The following MYORG variants were observed in gnomAD, a reference collection of about 807,000 sequenced individuals.
MYORG encodes alpha-galactosidase MYORG.
A neutral mutation model predicts 49.8 loss-of-function variants in MYORG; 45 were observed. That is an observed-to-expected ratio of 0.90 (90% CI 0.71 to 1.16). The LOEUF (loss-of-function observed/expected upper bound fraction) is 1.16, where lower values mean the gene tolerates loss of function less well. MYORG is among the 50% of genes most tolerant of loss of function. The pLI, the probability that MYORG is intolerant of heterozygous loss-of-function variation, is 0.00. For synonymous variants in MYORG, 552 were observed against 462.9 expected (o/e 1.19, Z -2.47); for missense variants, 1,110 against 1,026.5 (o/e 1.08, Z -1.11).
Position 34,372,565 on chromosome 9 carries a change from G to C in MYORG, c.379C>G (p.Arg127Gly). Residue 127 changes from arginine to glycine, a missense_variant, in exon 2 of 2, where the codon CGC becomes GGC. Physicochemically the swap from Arg to Gly is moderately radical, Grantham distance 125. Coordinates refer to ENST00000297625, the MANE Select transcript of MYORG (RefSeq NM_020702.5). ...GAGCAGCCCAGCAGGGCGCCATCGC[G>C]GCTGCAGGAGTCAAGGTCCAGCGCG... ...SGALDLDSCS[R>G]DGALLGCSLT... is the part of the protein sequence containing the mutation. 6.2e-7 allele frequency: 1 copy of C among 1,601,894 alleles called. No homozygotes were observed. The highest frequency in any genetic ancestry group is 8.5e-7 in the Non-Finnish European group (1 of 1,174,828).
rs1820557576 is a variant in MYORG at position 34,369,728 on chromosome 9, G to A, written c.*1071C>T. On this transcript the variant is annotated 3_prime_UTR_variant, in exon 2 of 2. Transcript: ENST00000297625. ...CCTGTCTGTTTATTGGTAGTTGTCA[G>A]TGTGTGCATGTAGCCTGTGTTCAGA... 1 of 152,628 alleles carries A rather than the reference G, an allele frequency of 6.6e-6. No homozygotes were observed. Among genetic ancestry groups the A allele is most frequent in the South Asian group, 2.0e-4 (1 of 4,890 alleles). 9.5% of individuals were successfully genotyped at this position (152,628 alleles called of 1,614,324 possible). A position where few individuals can be genotyped will look rare whatever the true frequency, so the allele number is the denominator to read the frequency against.
At position 34,366,705 on chromosome 9, in the gene MYORG, G is replaced by A. The variant is rs887373979; in HGVS notation, c.*4094C>T. 6.6e-6 allele frequency: 1 copy of A among 152,200 alleles called. No individual in the cohort carries two copies. Among genetic ancestry groups the A allele is most frequent in the Non-Finnish European group, 1.5e-5 (1 of 68,038 alleles). 9.4% of individuals were successfully genotyped at this position (152,200 alleles called of 1,614,324 possible). On this transcript the variant is annotated 3_prime_UTR_variant, in exon 2 of 2. Transcript: ENST00000297625. The stretch of plus-strand genomic sequence containing the variant: ...CTACCATTTATTGAGCACCTACTTT[G>A]TGCCAGGCACTTTACATACATTTGT...
In MYORG at chr9:34,368,307, C is replaced by T. The variant is rs1563980157; in HGVS notation, c.*2492G>A. ...ATTTTCCCCATGTCTTAGTGATTAA[C>T]ATTTGGCTCCTTGTTACTTATGCAA... On this transcript the variant is annotated 3_prime_UTR_variant, in exon 2 of 2. Transcript: ENST00000297625. The T allele has an allele frequency of 6.6e-6, 1 of 152,376 alleles. No homozygotes were observed. Among genetic ancestry groups the T allele is most frequent in the East Asian group, 1.9e-4 (1 of 5,188 alleles). 9.4% of individuals were successfully genotyped at this position (152,376 alleles called of 1,614,324 possible).
rs1820605030 is a variant in MYORG, at chr9:34,371,728, C to T, written c.1216G>A (p.Val406Met). 3 of 1,612,086 alleles carry T rather than the reference C, an allele frequency of 1.9e-6. No individual in the cohort carries two copies. Among genetic ancestry groups the T allele is most frequent in the African/African-American group, 1.3e-5 (1 of 74,924 alleles). Residue 406 changes from valine to methionine, a missense_variant, in exon 2 of 2, where the codon GTG becomes ATG. By Grantham distance (21) the Val-to-Met change is conservative. Coordinates refer to ENST00000297625, the MANE Select transcript of MYORG (RefSeq NM_020702.5). ...NYNSSRFGEGVERELFVREPT... is the reference protein window; with the variant it reads ...NYNSSRFGEGMERELFVREPT... ...TCGCGCACGAACAGCTCGCGCTCCA[C>T]GCCCTCGCCGAAGCGCGACGAGTTG...
At position 34,371,466 on chromosome 9, in the gene MYORG, A is replaced by G. The variant is rs759053987; in HGVS notation, c.1478T>C (p.Met493Thr). Reference protein sequence around the residue: ...PSVWSRRYTEMALPFFSLAEV... With the variant: ...PSVWSRRYTETALPFFSLAEV... ...CGCCAGCGAGAAGAAGGGCAGCGCC[A>G]TCTCAGTGTAGCGCCGGCTCCAGAC... is the stretch of plus-strand genomic sequence containing the variant. The change falls in exon 2 of 2, where the codon ATG becomes ACG. Residue 493 changes from methionine to threonine, a missense_variant. Met to Thr is a moderately conservative substitution (Grantham distance 81). Coordinates refer to ENST00000297625, the MANE Select transcript of MYORG (RefSeq NM_020702.5). 6.2e-7 allele frequency: 1 copy of G among 1,612,700 alleles called. No homozygotes were observed. Among genetic ancestry groups the G allele is most frequent in the South Asian group, 1.1e-5 (1 of 91,086 alleles).
chr9:34,372,091 C>T lies in MYORG; in HGVS notation c.853G>A (p.Val285Met). The T allele has an allele frequency of 1.2e-6, 2 of 1,613,438 alleles. No homozygotes were observed. Among genetic ancestry groups the T allele is most frequent in the Non-Finnish European group, 1.7e-6 (2 of 1,179,844 alleles). ...TGGATGGAGGTGACGTCTGAGCCCA[C>T]GCACACTCGGTAGCTCAGCTCTGGC... is the stretch of plus-strand genomic sequence containing the variant. The part of the protein sequence containing the change: ...AAPELSYRVC[V>M]GSDVTSIHKY... Residue 285 changes from valine (V) to methionine (M), a missense_variant, in exon 2 of 2, where the codon GTG becomes ATG. Transcript: ENST00000297625.
At position 34,372,977 on chromosome 9, in the gene MYORG, G is replaced by A. The variant is rs761863582; in HGVS notation, c.-34C>T. 12 of 1,599,302 alleles carry A rather than the reference G, an allele frequency of 7.5e-6. No individual in the cohort carries two copies. The Admixed American group carries it at 1.9e-4, about 25-fold the overall frequency. ...TGCTAAGAAAGGAGCGGGCCGTGGG[G>A]CCATCTGACTGAGTTCATCTCAACC... On this transcript the variant is annotated 5_prime_UTR_variant, in exon 2 of 2. Coordinates refer to ENST00000297625, the MANE Select transcript of MYORG (RefSeq NM_020702.5).
rs753277260 is a variant in MYORG at position 34,372,606 on chromosome 9, A to G, written c.338T>C (p.Leu113Pro). 5 of 1,604,440 alleles carry G rather than the reference A, an allele frequency of 3.1e-6. No homozygotes were observed. Among genetic ancestry groups the G allele is most frequent in the Non-Finnish European group, 3.4e-6 (4 of 1,176,032 alleles). Reference sequence around the variant, plus strand: ...GTCCAGCGCGCCGGAGCGGAAGGCCAGGCGGAAGACCTGCTCTCCCTTCTG... The same window carrying G: ...GTCCAGCGCGCCGGAGCGGAAGGCCGGGCGGAAGACCTGCTCTCCCTTCTG... The part of the protein sequence containing the change: ...RNQKGEQVFR[L>P]AFRSGALDLD... Residue 113 changes from leucine to proline, a missense_variant, in exon 2 of 2, where the codon CTG becomes CCG. Physicochemically the swap from Leu to Pro is moderately conservative, Grantham distance 98. Transcript: ENST00000297625.
chr9:34,372,491 C>T lies in MYORG; in HGVS notation c.453G>A (p.Arg151=), dbSNP rs868737587. The part of the protein sequence containing the change: ...LPLHFFIQTV[R]PKDTVMCYRV... ...GGTAGCACATGACCGTGTCCTTGGG[C>T]CGCACAGTCTGGATGAAGAAGTGCA... The change falls in exon 2 of 2, where the codon CGG becomes CGA. Residue 151 remains arginine, a synonymous_variant. Coordinates refer to ENST00000297625, the MANE Select transcript of MYORG (RefSeq NM_020702.5). The T allele has an allele frequency of 1.3e-6, 2 of 1,599,154 alleles. No individual in the cohort carries two copies. Among genetic ancestry groups the T allele is most frequent in the Non-Finnish European group, 1.7e-6 (2 of 1,174,068 alleles).
chr9:34,374,579 T>C (rs1409828536), intron 1 of MYORG, among the ~76,000 whole-genome samples: 1 of 151,992 alleles, frequency 6.6e-6, no homozygotes, highest in East Asian at 1.9e-4. Flanking sequence ...ACATAAACTC[T>C]GACACACTAT....
Position 34,371,735 on chromosome 9 carries a change from G to C in MYORG, c.1209C>G (p.Gly403=). The change falls in exon 2 of 2, where the codon GGC becomes GGG. Residue 403 remains glycine (G), a synonymous_variant. Transcript: ENST00000297625. ...CGAACAGCTCGCGCTCCACGCCCTC[G>C]CCGAAGCGCGACGAGTTGTAGTTGA... is the stretch of plus-strand genomic sequence containing the variant. ...PFVNYNSSRF[G]EGVERELFVR... 2.5e-6 allele frequency: 4 copies of C among 1,612,508 alleles called. No homozygotes were observed. Among genetic ancestry groups the C allele is most frequent in the Non-Finnish European group, 3.4e-6 (4 of 1,179,286 alleles).
At position 34,372,469 on chromosome 9, in the gene MYORG, A is replaced by T. The variant is rs772456399; in HGVS notation, c.475T>A (p.Tyr159Asn). ...TVRPKDTVMCYRVRWEEAAPG... is the reference protein window; with the variant it reads ...TVRPKDTVMCNRVRWEEAAPG... ...GCTGCCTCCTCCCAGCGCACGCGGT[A>T]GCACATGACCGTGTCCTTGGGCCGC... The change falls in exon 2 of 2, where the codon TAC (tyrosine) becomes AAC (asparagine). Residue 159 changes from tyrosine (Y) to asparagine (N), a missense_variant. Coordinates refer to ENST00000297625, the MANE Select transcript of MYORG (RefSeq NM_020702.5). The T allele has an allele frequency of 6.3e-7, 1 of 1,594,802 alleles. No individual in the cohort carries two copies. Among genetic ancestry groups the T allele is most frequent in the Non-Finnish European group, 8.5e-7 (1 of 1,171,796 alleles).
At position 34,371,359 on chromosome 9, in the gene MYORG, G is replaced by A; in HGVS notation, c.1585C>T (p.Leu529=). The A allele has an allele frequency of 6.2e-7, 1 of 1,613,124 alleles. No individual in the cohort carries two copies. The highest frequency in any genetic ancestry group is 8.5e-7 in the Non-Finnish European group (1 of 1,179,716). ...GCGGGGATGAGTGAGCGCAACCCCAGGTCGTAGCCCCACACAGAGTCGCGA... is the reference window on the plus strand; with the variant it reads ...GCGGGGATGAGTGAGCGCAACCCCAAGTCGTAGCCCCACACAGAGTCGCGA... The part of the protein sequence containing the change: ...VDRDSVWGYD[L]GLRSLIPAVL... Residue 529 remains leucine (L), a synonymous_variant, in exon 2 of 2, where the codon CTG becomes TTG. Coordinates refer to ENST00000297625, the MANE Select transcript of MYORG (RefSeq NM_020702.5).
chr9:34,372,341 A>G lies in MYORG; in HGVS notation c.603T>C (p.Asp201=), dbSNP rs1375511529. ...MRTQHWPIRL[D]GQQEPQPFVT... is the part of the protein sequence containing the mutation. ...CGAACGGCTGGGGCTCCTGCTGGCCATCCAGGCGGATGGGCCAGTGTTGCG... is the reference window on the plus strand; with the variant it reads ...CGAACGGCTGGGGCTCCTGCTGGCCGTCCAGGCGGATGGGCCAGTGTTGCG... The change falls in exon 2 of 2, where the codon GAT becomes GAC. Residue 201 remains aspartate (D), a synonymous_variant. Coordinates refer to ENST00000297625, the MANE Select transcript of MYORG (RefSeq NM_020702.5). 1.9e-6 allele frequency: 3 copies of G among 1,601,358 alleles called. No individual in the cohort carries two copies. In the African/African-American group the frequency reaches 4.0e-5, roughly 21 times the overall value.
Position 34,370,636 on chromosome 9 carries a change from G to T in MYORG, c.*163C>A. 7.6e-7 allele frequency: 1 copy of T among 1,318,738 alleles called. No homozygotes were observed. The highest frequency in any genetic ancestry group is 2.6e-5 in the East Asian group (1 of 39,040). 81.7% of individuals were successfully genotyped at this position (1,318,738 alleles called of 1,614,324 possible). ...AGATTGCTTCAGTGCCCCCTCCCTA[G>T]GCCCCACCTTCAGCAGCTGGTTCCA... On this transcript the variant is annotated 3_prime_UTR_variant, in exon 2 of 2. Transcript: ENST00000297625.
At chr9:34,374,126 C>G (rs1820684364) in intron 1 of MYORG, among the ~76,000 whole-genome samples, 1 of 152,206 alleles carries the variant, frequency 6.6e-6, no homozygotes, top group Non-Finnish European at 1.5e-5. Flanking sequence ...CTTCCTCGCT[C>G]TGTTTCACCC....
At position 34,372,424 on chromosome 9, in the gene MYORG, G is replaced by C. The variant is rs766500193; in HGVS notation, c.520C>G (p.His174Asp). ...GCCGCGTCGCCCAAGAACATGGCGTGCTCCACGGCCCGGCCCGGCGCTGCC... is the reference window on the plus strand; with the variant it reads ...GCCGCGTCGCCCAAGAACATGGCGTCCTCCACGGCCCGGCCCGGCGCTGCC... ...EEAAPGRAVEHAMFLGDAAAH... is the reference protein window; with the variant it reads ...EEAAPGRAVEDAMFLGDAAAH... Residue 174 changes from histidine to aspartate, a missense_variant, in exon 2 of 2, where the codon CAC becomes GAC. His to Asp is a moderately conservative substitution (Grantham distance 81). Coordinates refer to ENST00000297625, the MANE Select transcript of MYORG (RefSeq NM_020702.5). The C allele has an allele frequency of 6.3e-7, 1 of 1,582,224 alleles. No homozygotes were observed. The highest frequency in any genetic ancestry group is 1.1e-5 in the South Asian group (1 of 87,204).
At position 34,370,715 on chromosome 9, in the gene MYORG, G is replaced by A. The variant is rs942975599; in HGVS notation, c.*84C>T. ...GGTGGTATAGAGGTGGGAGGTTCCT[G>A]GGAGTACATGGTGCGGGTGTGACGG... On this transcript the variant is annotated 3_prime_UTR_variant, in exon 2 of 2. Transcript: ENST00000297625. The A allele has an allele frequency of 2.8e-6, 4 of 1,454,052 alleles. No individual in the cohort carries two copies. In the African/African-American group the frequency reaches 5.7e-5, roughly 21 times the overall value. The allele number at this position is 1,454,052 out of a possible 1,614,324, so 90.1% of individuals were successfully genotyped here. A position where few individuals can be genotyped will look rare whatever the true frequency, so the allele number is the denominator to read the frequency against.
rs1820589317 is a variant in MYORG at position 34,371,252 on chromosome 9, G to T, written c.1692C>A (p.Ala564=). The T allele has an allele frequency of 1.2e-6, 2 of 1,608,176 alleles. No individual in the cohort carries two copies. Among genetic ancestry groups the T allele is most frequent in the Admixed American group, 1.7e-5 (1 of 59,462 alleles). The change falls in exon 2 of 2, where the codon GCC becomes GCA. Residue 564 remains alanine (A), a synonymous_variant. Coordinates refer to ENST00000297625, the MANE Select transcript of MYORG (RefSeq NM_020702.5). ...VGGNAVPQRT[A]GGDVPERELY... ...GCTCGCGCTCGGGCACATCGCCGCC[G>T]GCTGTCCGCTGGGGCACGGCGTTGC...
Sources: allele counts gnomAD v4.1 joint callset (sites outside exome capture counted in the v4.1 genomes callset), GRCh38; gene constraint gnomAD v4.1.1; transcripts MANE v1.5; gene names NCBI Gene and HGNC (gene_info 2026-07-23, HGNC 2026-07-21).